ADAMTS18: variants seen among roughly 807,000 people sequenced by gnomAD.
The protein encoded by ADAMTS18 is ADAM metallopeptidase with thrombospondin type 1 motif 18.
Under a neutral mutation model 165.9 loss-of-function variants are expected in ADAMTS18, and 157 were observed. That is an observed-to-expected ratio of 0.95 (90% CI 0.83 to 1.08). The LOEUF is 1.08. ADAMTS18 is among the 50% of genes least tolerant of loss of function. The pLI is 0.00. For synonymous variants in ADAMTS18, 782 were observed against 578.2 expected, an observed-to-expected ratio of 1.35 and a Z score of -5.06; for missense variants, 2,040 against 1,534.0, an observed-to-expected ratio of 1.33 and a Z score of -5.51.
rs750872826 is a variant in ADAMTS18 at position 77,364,315 on chromosome 16, G to C, written c.845C>G (p.Pro282Arg). ...TTGTGATTTTCCAGCTGATCTTCTG[G>C]GTCGCCCAGAGCTCCCATATTCATC... ...RFDEYGSSGR[P>R]RRSAGKSQKG... Residue 282 changes from proline to arginine, a missense_variant, in exon 5 of 23, where the codon CCC becomes CGC. Physicochemically the swap from Pro to Arg is moderately radical, Grantham distance 103. Coordinates refer to ENST00000282849, the MANE Select transcript of ADAMTS18 (RefSeq NM_199355.4). 1.3e-5 allele frequency: 21 copies of C among 1,613,814 alleles called. No individual in the cohort carries two copies. The Middle Eastern group carries it at 5.0e-4, about 38-fold the overall frequency.
Position 77,389,475 on chromosome 16 carries a change from G to A in ADAMTS18, c.496-21752C>T, listed in dbSNP as rs760885585. On this transcript the variant is annotated intron_variant, in intron 3 of 22. Transcript: ENST00000282849. ...CAGTGTGTGTCTGTCAGGTTAATTC[G>A]TTCAACAAACGTTTGTATTTATAAT... 5.3e-5 allele frequency among the ~76,000 whole-genome samples: 8 copies of A among 152,092 alleles called. No individual in the cohort carries two copies. The South Asian group carries it at 6.2e-4, about 12-fold the overall frequency.
chr16:77,389,224 G>C (rs2057152163), intron 3 of ADAMTS18, among the ~76,000 whole-genome samples: 1 of 152,186 alleles, frequency 6.6e-6, no homozygotes. Context: ...AGTATCACTT[G>C]AGCCTGGAAG....
intron 3 of ADAMTS18, among the ~76,000 whole-genome samples, chr16:77,415,751 G>A (rs536596335): frequency 8.2e-6 from 1 of 122,324 alleles, no homozygotes; most frequent in South Asian, 2.5e-4. Flanking sequence ...AATCAGAGGT[G>A]GCCACTGTCA....
chr16:77,301,310 T>C (rs2055578354), intron 16 of ADAMTS18, among the ~76,000 whole-genome samples: 1 of 150,890 alleles, frequency 6.6e-6, no homozygotes, highest in African/African-American at 2.4e-5. Context: ...AAAGAACTTG[T>C]GCAAGATCAC....
chr16:77,432,862 C>T (rs189384409), intron 2 of ADAMTS18, among the ~76,000 whole-genome samples: 98 of 151,846 alleles, frequency 6.5e-4, no homozygotes, highest in African/African-American at 2.2e-3. Flanking sequence ...AAAAAGAATT[C>T]TCCACAATAG....
intron 2 of ADAMTS18, chr16:77,431,852 G>A (rs779434431): frequency 1.0e-4 from 58 of 561,322 alleles, no homozygotes; most frequent in Non-Finnish European, 7.0e-5. Flanking sequence ...TGAATTTCAT[G>A]GATGTCTGTG....
chr16:77,290,998 C>G, intron 21 of ADAMTS18: 1 of 413,416 alleles, frequency 2.4e-6, no homozygotes, highest in Admixed American at 4.8e-5. Context: ...GTATAACTGG[C>G]CTGGTGGTAA....
chr16:77,337,711 C>G (rs941498061), intron 11 of ADAMTS18, among the ~76,000 whole-genome samples: 1 of 152,104 alleles, frequency 6.6e-6, no homozygotes, highest in African/African-American at 2.4e-5. Context: ...TCTATTACTT[C>G]AGTATTTGTT....
intron 16 of ADAMTS18, among the ~76,000 whole-genome samples, chr16:77,301,939 A>G (rs569044720): frequency 7.0e-6 from 1 of 142,858 alleles, no homozygotes; most frequent in South Asian, 2.3e-4. Flanking sequence ...TCAGTTGCCA[A>G]TAAAAAAAAA....
Position 77,359,191 on chromosome 16 carries a change from A to T in ADAMTS18, c.1322+127T>A, listed in dbSNP as rs181076028. ...TAGTGAGCCCTTTGTATAGTCAGAA[A>T]CTATTCTAAGCTTTACACAAGACTG... On this transcript the variant is annotated intron_variant, in intron 8 of 22. Coordinates refer to ENST00000282849, the MANE Select transcript of ADAMTS18 (RefSeq NM_199355.4). 6.1e-4 allele frequency: 523 copies of T among 860,450 alleles called. 1 individual carries two copies. The African/African-American group carries it at 8.1e-3, about 13-fold the overall frequency. 53.3% of individuals were successfully genotyped at this position (860,450 alleles called of 1,614,324 possible).
intron 3 of ADAMTS18, among the ~76,000 whole-genome samples, chr16:77,394,127 C>T (rs1302986466): frequency 6.6e-6 from 1 of 152,204 alleles, no homozygotes; most frequent in African/African-American, 2.4e-5. Flanking sequence ...GATATCACTG[C>T]ACATTAAAAT....
intron 11 of ADAMTS18, among the ~76,000 whole-genome samples, chr16:77,336,367 T>G (rs2056310933): frequency 6.6e-6 from 1 of 152,212 alleles, no homozygotes; most frequent in South Asian, 2.1e-4. Flanking sequence ...AAGTAACAGT[T>G]AAGATATTAA....
intron 3 of ADAMTS18, among the ~76,000 whole-genome samples, chr16:77,418,108 C>A (rs1479675307): frequency 6.6e-6 from 1 of 152,134 alleles, no homozygotes; most frequent in African/African-American, 2.4e-5. Flanking sequence ...GGTTGTCATG[C>A]TGTGAAATTC....
At chr16:77,316,238 T>C (rs887548905) in intron 16 of ADAMTS18, among the ~76,000 whole-genome samples, 2 of 146,296 alleles carry the variant, frequency 1.4e-5, no homozygotes, top group African/African-American at 5.1e-5. Flanking sequence ...CAATCACTTA[T>C]TTACATAGCA....
At chr16:77,377,017 A>AT (rs1436454902) in intron 3 of ADAMTS18, among the ~76,000 whole-genome samples, 5 of 151,858 alleles carry the variant, frequency 3.3e-5, no homozygotes, top group African/African-American at 9.7e-5. Flanking sequence ...GTTTCATCAC[A>AT]TTGGCCAGGC....
intron 11 of ADAMTS18, among the ~76,000 whole-genome samples, chr16:77,338,348 G>A (rs891405721): frequency 2.0e-5 from 3 of 152,026 alleles, no homozygotes; most frequent in African/African-American, 4.8e-5. Flanking sequence ...TAATTCTTGG[G>A]CCTCAGCTTC....
intron 21 of ADAMTS18, among the ~76,000 whole-genome samples, chr16:77,290,272 C>T (rs761588669): frequency 4.6e-5 from 7 of 152,102 alleles, no homozygotes; most frequent in Non-Finnish European, 5.9e-5. Context: ...TCCTCACTGC[C>T]GTTGTAGCAC....
chr16:77,308,240 G>A (rs1408264821), intron 16 of ADAMTS18, among the ~76,000 whole-genome samples: 2 of 152,252 alleles, frequency 1.3e-5, no homozygotes, highest in East Asian at 3.9e-4. Flanking sequence ...TGAAAACACA[G>A]GTGGTCATAT....
intron 10 of ADAMTS18, among the ~76,000 whole-genome samples, chr16:77,342,229 C>T (rs1597146221): frequency 6.6e-6 from 1 of 152,194 alleles, no homozygotes; most frequent in Non-Finnish European, 1.5e-5. Context: ...GCAGTTTTCT[C>T]ACCTGTACAA....
Sources: gnomAD v4.1 joint callset for allele counts (sites outside exome capture counted in the v4.1 genomes callset) on GRCh38, gnomAD v4.1.1 for gene constraint, MANE v1.5 for transcripts, NCBI Gene and HGNC (gene_info 2026-07-23, HGNC 2026-07-21) for gene names.